Variants in AIM2 observed in about 807,000 individuals in gnomAD.
AIM2 encodes interferon-inducible protein AIM2.
A neutral mutation model predicts 27.7 loss-of-function variants in AIM2; 30 were observed. The observed-to-expected ratio is 1.08, with a 90% CI of 0.81 to 1.47. The LOEUF (loss-of-function observed/expected upper bound fraction) is 1.47. AIM2 is among the 40% of genes most tolerant of loss of function. AIM2 has a pLI of 0.00. For missense variants in AIM2, 358 were observed against 411.3 expected, an observed-to-expected ratio of 0.87 and a Z score of 1.12; for synonymous variants, 141 against 145.3, an observed-to-expected ratio of 0.97 and a Z score of 0.21.
At chr1:159,072,528 A>C (rs1656405422) in intron 2 of AIM2, among the ~76,000 whole-genome samples, 1 of 152,228 alleles carries the variant, frequency 6.6e-6, no homozygotes, top group Non-Finnish European at 1.5e-5. Context: ...TAAAGCTGGG[A>C]CATATCAATT....
intron 1 of AIM2, among the ~76,000 whole-genome samples, chr1:159,115,952 C>G (rs1370594308): frequency 6.6e-6 from 1 of 152,002 alleles, no homozygotes; most frequent in Non-Finnish European, 1.5e-5. Context: ...GGGCTAATAT[C>G]CAGAATCTAC....
chr1:159,077,566 CTTCA>C (rs1230839584), upstream of AIM2, among the ~76,000 whole-genome samples: 1 of 152,180 alleles, frequency 6.6e-6, no homozygotes, highest in Non-Finnish European at 1.5e-5. Flanking sequence ...TGCAATCTGT[CTTCA>C]TTGTCACAGG....
intron 1 of AIM2, among the ~76,000 whole-genome samples, chr1:159,110,206 C>A (rs1657536002): frequency 6.6e-6 from 1 of 152,142 alleles, no homozygotes; most frequent in Admixed American, 6.5e-5. Flanking sequence ...TATATATACA[C>A]AATGGAATAC....
chr1:159,146,479 T>C (rs1343985600), intron 1 of AIM2, among the ~76,000 whole-genome samples: 2 of 152,142 alleles, frequency 1.3e-5, no homozygotes, highest in Non-Finnish European at 2.9e-5. Flanking sequence ...TAACCCTTAG[T>C]CATTTCCTGC....
At chr1:159,076,593 A>G (rs185284310) in intron 1 of AIM2, 40 bp downstream of exon 1, 2 of 152,294 alleles carry the variant, frequency 1.3e-5, no homozygotes, top group African/African-American at 4.8e-5. Context: ...AGAAACGGTT[A>G]AGTCTCTCGT....
chr1:159,080,274 T>G (rs1244509260), upstream of AIM2, among the ~76,000 whole-genome samples: 1 of 152,218 alleles, frequency 6.6e-6, no homozygotes, highest in Non-Finnish European at 1.5e-5. Flanking sequence ...AATTGGTTTT[T>G]AATACAATGA....
intron 5 of AIM2, 103 bp from the exon 6 acceptor site, chr1:159,062,821 C>A: frequency 2.7e-6 from 3 of 1,115,744 alleles, no homozygotes; most frequent in South Asian, 2.7e-5. Flanking sequence ...ATCATCTTCT[C>A]ATAAAATTAT....
At chr1:159,065,873 C>T in intron 4 of AIM2, 37 bp downstream of exon 4, 1 of 1,537,860 alleles carries the variant, frequency 6.5e-7, no homozygotes, top group Non-Finnish European at 8.7e-7. Context: ...ATACGTTATT[C>T]TTACTAATCA....
chr1:159,090,480 C>A (rs1319195600), intron 1 of AIM2, among the ~76,000 whole-genome samples: 1 of 152,234 alleles, frequency 6.6e-6, no homozygotes, highest in African/African-American at 2.4e-5. Context: ...CTTCACATTT[C>A]ATAATTTTGT....
rs1242067761 is a variant in AIM2 at position 159,073,529 on chromosome 1, A to G, written c.-20-10T>C. 1 of 1,592,810 alleles carries G rather than the reference A, an allele frequency of 6.3e-7. No homozygotes were observed. The highest frequency in any genetic ancestry group is 2.3e-5 in the East Asian group (1 of 44,442). The stretch of plus-strand genomic sequence containing the variant: ...CAACTTTGGGATCAGCCTATAAGGA[A>G]TCCAAAACATGTAAGATTACACCAC... On this transcript the variant is annotated splice_polypyrimidine_tract_variant and intron_variant, in intron 1 of 5. Transcript: ENST00000368130.
intron 1 of AIM2, among the ~76,000 whole-genome samples, chr1:159,132,815 A>T (rs1289906259): frequency 6.6e-6 from 1 of 152,238 alleles, no homozygotes; most frequent in Non-Finnish European, 1.5e-5. Flanking sequence ...AACACCGCCT[A>T]GTAAATATTC....
chr1:159,093,929 A>G (rs1270039619), intron 1 of AIM2, among the ~76,000 whole-genome samples: 2 of 149,848 alleles, frequency 1.3e-5, no homozygotes, highest in African/African-American at 4.9e-5. Flanking sequence ...TTTAGTAGAG[A>G]TGGGGTTTCA....
intron 1 of AIM2, among the ~76,000 whole-genome samples, chr1:159,117,770 CAA>C (rs1226354157): frequency 1.3e-5 from 2 of 152,052 alleles, no homozygotes. Context: ...CACACACACA[CAA>C]AGACACACAC....
At chr1:159,119,997 T>G (rs1647489150) in intron 1 of AIM2, among the ~76,000 whole-genome samples, 1 of 152,162 alleles carries the variant, frequency 6.6e-6, no homozygotes, top group Admixed American at 6.5e-5. Flanking sequence ...AGCATTATGT[T>G]ATATATAATC....
At chr1:159,097,232 C>T (rs1657199670) in intron 1 of AIM2, among the ~76,000 whole-genome samples, 1 of 151,978 alleles carries the variant, frequency 6.6e-6, no homozygotes, top group African/African-American at 2.4e-5. Flanking sequence ...CAGGATGAAG[C>T]CCTTTCACAT....
At chr1:159,076,989 T>C (rs977098763), upstream of AIM2, 2 of 152,276 alleles carry the variant, frequency 1.3e-5, no homozygotes, top group Admixed American at 6.5e-5. Context: ...TGACCGCAGA[T>C]GACTTCTTGA....
At chr1:159,141,782 G>GA (rs1412183531), upstream of AIM2, among the ~76,000 whole-genome samples, 1 of 151,966 alleles carries the variant, frequency 6.6e-6, no homozygotes, top group Non-Finnish European at 1.5e-5. Context: ...CGGTGGGGGG[G>GA]GACAGGGACA....
chr1:159,083,393 G>T (rs192102564), intron 1 of AIM2, among the ~76,000 whole-genome samples: 46 of 152,294 alleles, frequency 3.0e-4, no homozygotes, highest in Non-Finnish European at 6.5e-4. Flanking sequence ...ATTATGAAAG[G>T]TTAAAAAATG....
At chr1:159,081,407 A>G (rs1570953205), upstream of AIM2, 1 of 356,230 alleles carries the variant, frequency 2.8e-6, no homozygotes, top group East Asian at 9.1e-5. Context: ...AAAGTAGATA[A>G]CCTGAAATAA....
Sources: gnomAD v4.1 joint callset for allele counts (sites outside exome capture counted in the v4.1 genomes callset) on GRCh38, gnomAD v4.1.1 for gene constraint, MANE v1.5 for transcripts, NCBI Gene and HGNC (gene_info 2026-07-23, HGNC 2026-07-21) for gene names.